The following HPD variants were observed in gnomAD, a reference collection of about 807,000 sequenced individuals.
HPD encodes 4-hydroxyphenylpyruvic acid oxidase.
HPD carries 35 observed loss-of-function variants against 56.9 expected under a neutral mutation model. That is an observed-to-expected ratio of 0.62 (90% CI 0.47 to 0.82). HPD has a LOEUF of 0.82. Among genes scored for constraint, HPD ranks in the 40% least tolerant of loss-of-function variants. The pLI is 0.00. For missense variants in HPD, 442 were observed against 506.8 expected (o/e 0.87, Z 1.23); for synonymous variants, 186 against 200.2 (o/e 0.93, Z 0.60).
intron 13 of HPD, 30 bp downstream of exon 13, chr12:121,839,902 C>T: frequency 6.2e-7 from 1 of 1,605,052 alleles, no homozygotes. Context: ...AGCTGCCTGT[C>T]CCCTCGGGCC....
chr12:121,844,502 C>A (rs1418383545), intron 11 of HPD, among the ~76,000 whole-genome samples: 1 of 151,932 alleles, frequency 6.6e-6, no homozygotes, highest in Non-Finnish European at 1.5e-5. Flanking sequence ...AAGCCCAGCA[C>A]TTTTGGAGGC....
chr12:121,862,987 TC>T (rs1481699908), upstream of HPD, among the ~76,000 whole-genome samples: 2 of 129,968 alleles, frequency 1.5e-5, no homozygotes, highest in East Asian at 4.8e-4. Context: ...GCACCCCCCC[TC>T]CTTTTTTTTT....
At chr12:121,844,742 G>A (rs1424566516) in intron 11 of HPD, among the ~76,000 whole-genome samples, 3 of 151,912 alleles carry the variant, frequency 2.0e-5, no homozygotes, top group Admixed American at 6.6e-5. Context: ...TTAGCTGGGC[G>A]TGGTGGTGGG....
At position 121,839,793 on chromosome 12, in the gene HPD, C is replaced by G; in HGVS notation, c.1117G>C (p.Glu373Gln). 1 of 1,614,242 alleles carries G rather than the reference C, an allele frequency of 6.2e-7. No individual in the cohort carries two copies. The highest frequency in any genetic ancestry group is 8.5e-7 in the Non-Finnish European group (1 of 1,180,040). ...AGGTTACCCCGCAGGTTCTGCTCCTCCTCGAAAGCCTTGAACAGTGAGTTG... is the reference window on the plus strand; with the variant it reads ...AGGTTACCCCGCAGGTTCTGCTCCTGCTCGAAAGCCTTGAACAGTGAGTTG... Reference protein sequence around the residue: ...NFNSLFKAFEEEQNLRGNLTN... With the variant: ...NFNSLFKAFEQEQNLRGNLTN... Residue 373 changes from glutamate (E) to glutamine (Q), a missense_variant, in exon 14 of 14, where the codon GAG becomes CAG. Glu to Gln is a conservative substitution (Grantham distance 29, BLOSUM62 2). Coordinates refer to ENST00000289004, the MANE Select transcript of HPD (RefSeq NM_002150.3).
chr12:121,860,692 A>C (rs547219169), upstream of HPD, among the ~76,000 whole-genome samples: 237 of 152,258 alleles, frequency 1.6e-3, 2 homozygotes, highest in South Asian at 7.7e-3. Flanking sequence ...CAAGAAGCTC[A>C]CTGATCAGAT....
rs1878100283 is a variant in HPD, at chr12:121,858,820, C to A, written c.3+1G>T. The A allele has an allele frequency of 6.2e-7, 1 of 1,614,162 alleles. No individual in the cohort carries two copies. On this transcript the variant is annotated splice_donor_variant, in intron 1 of 13. Coordinates refer to ENST00000289004, the MANE Select transcript of HPD (RefSeq NM_002150.3). LOFTEE classifies it high-confidence loss of function. The stretch of plus-strand genomic sequence containing the variant: ...CAAGGGGAGATGGCCATGGCACTTA[C>A]CATGATTGATCTTAGTCAAACCTCC...
Position 121,856,498 on chromosome 12 carries a change from C to T in HPD, c.241+85G>A. 2.5e-6 allele frequency: 4 copies of T among 1,595,384 alleles called. No individual in the cohort carries two copies. The South Asian group carries it at 4.4e-5, about 18-fold the overall frequency. ...CTCCATCCAGGCCCTGAACCCAGAG[C>T]CCACCCACGGAGCCATGCGTCCACC... On this transcript the variant is annotated intron_variant, in intron 5 of 13. Transcript: ENST00000289004.
At chr12:121,862,596 CTTTTTTTTTTTTTTTT>C (rs146807602), upstream of HPD, among the ~76,000 whole-genome samples, 5 of 43,068 alleles carry the variant, frequency 1.2e-4, no homozygotes, top group Admixed American at 3.4e-4. Context: ...CGCTCTCGGC[CTTTTTTTTTTTTTTTT>C]TTTTTTTTTT....
At chr12:121,865,556 A>G (rs1592927582), upstream of HPD, among the ~76,000 whole-genome samples, 4 of 149,944 alleles carry the variant, frequency 2.7e-5, no homozygotes, top group South Asian at 8.7e-4. Flanking sequence ...GGCATGAGCC[A>G]CTGTGCCCAG....
Position 121,846,089 on chromosome 12 carries a change from C to G in HPD, c.831+773G>C, listed in dbSNP as rs867396776. 2.6e-5 allele frequency among the ~76,000 whole-genome samples: 4 copies of G among 152,276 alleles called. No homozygotes were observed. In the South Asian group the frequency reaches 6.2e-4, roughly 24 times the overall value. On this transcript the variant is annotated intron_variant, in intron 11 of 13. Coordinates refer to ENST00000289004, the MANE Select transcript of HPD (RefSeq NM_002150.3). ...TAATTTTGTTTACTTTTTGCAGAGA[C>G]AGGGTCCCACTGTTTTCCAGGCTGA... is the stretch of plus-strand genomic sequence containing the variant.
At position 121,839,701 on chromosome 12, in the gene HPD, C is replaced by T. The variant is rs768643921; in HGVS notation, c.*27G>A. ...AGAATCAGGGGGCGTGGCTGTGTGG[C>T]TGTGGCCTCCGTGGGGTGGGCGGGG... is the stretch of plus-strand genomic sequence containing the variant. On this transcript the variant is annotated 3_prime_UTR_variant, in exon 14 of 14. Transcript: ENST00000289004. 1.1e-5 allele frequency: 16 copies of T among 1,502,696 alleles called. No individual in the cohort carries two copies. In the African/African-American group the frequency reaches 2.2e-4, roughly 21 times the overall value. 93.1% of individuals were successfully genotyped at this position (1,502,696 alleles called of 1,614,324 possible). A position where few individuals can be genotyped will look rare whatever the true frequency, so the allele number is the denominator to read the frequency against.
chr12:121,866,093 C>G (rs911058604), upstream of HPD, among the ~76,000 whole-genome samples: 2 of 151,896 alleles, frequency 1.3e-5, no homozygotes, highest in Admixed American at 6.6e-5. Flanking sequence ...GTCGGGAGAT[C>G]GAGACCATCC....
intron 7 of HPD, chr12:121,850,022 G>T (rs1009735158): frequency 5.7e-6 from 3 of 527,828 alleles, no homozygotes; most frequent in Non-Finnish European, 1.1e-5. Context: ...TGTACCCAGC[G>T]CCAAGCTCAG....
rs2137633285 is a variant in HPD at position 121,857,449 on chromosome 12, C to A, written c.94-17G>T. 1 of 1,573,326 alleles carries A rather than the reference C, an allele frequency of 6.4e-7. No homozygotes were observed. Among genetic ancestry groups the A allele is most frequent in the Non-Finnish European group, 8.7e-7 (1 of 1,142,862 alleles). On this transcript the variant is annotated splice_polypyrimidine_tract_variant and intron_variant, in intron 3 of 13. Coordinates refer to ENST00000289004, the MANE Select transcript of HPD (RefSeq NM_002150.3). Reference sequence around the variant, plus strand: ...TGACGTGGCCTGAATCACAGGGTTGCAGCAGGGTTCATGAGGGTCAAGGGG... The same window carrying A: ...TGACGTGGCCTGAATCACAGGGTTGAAGCAGGGTTCATGAGGGTCAAGGGG...
rs760220942 is a variant in HPD at position 121,847,110 on chromosome 12, T to C, written c.701A>G (p.Glu234Gly). The change falls in exon 10 of 14, where the codon GAG becomes GGG. Residue 234 changes from glutamate to glycine, a missense_variant. Transcript: ENST00000289004. ...CTCATTGATGGGCATCTTGATGGACTCTTCATAGTTGGCCACCACAATGGA... is the reference window on the plus strand; with the variant it reads ...CTCATTGATGGGCATCTTGATGGACCCTTCATAGTTGGCCACCACAATGGA... ...LRSIVVANYE[E>G]SIKMPINEPA... The C allele has an allele frequency of 6.2e-7, 1 of 1,614,198 alleles. No individual in the cohort carries two copies. Among genetic ancestry groups the C allele is most frequent in the South Asian group, 1.1e-5 (1 of 91,082 alleles).
rs1379275014 is a variant in HPD at position 121,857,823 on chromosome 12, C to A, written c.31-4G>T. ...GGAGGAATCGGCCTCTCTCAGGCTG[C>A]AGAAGGAGAGAAGAGGTGAGGTTGA... is the stretch of plus-strand genomic sequence containing the variant. On this transcript the variant is annotated splice_polypyrimidine_tract_variant and splice_region_variant and intron_variant, in intron 2 of 13. Transcript: ENST00000289004. The A allele has an allele frequency of 1.2e-6, 2 of 1,613,220 alleles. No individual in the cohort carries two copies. Among genetic ancestry groups the A allele is most frequent in the Non-Finnish European group, 1.7e-6 (2 of 1,179,356 alleles).
At chr12:121,863,423 G>A (rs1017005050), upstream of HPD, 1 of 152,226 alleles carries the variant, frequency 6.6e-6, no homozygotes. Context: ...CCCACCAAAT[G>A]TTTCACTGCA....
At chr12:121,873,412 C>T in the HPD span, among the ~76,000 whole-genome samples, 2 of 152,358 alleles carry the variant, frequency 1.3e-5, no homozygotes, top group East Asian at 1.9e-4. Flanking sequence ...ACCAGTGAGT[C>T]TGTCTCCAGG....
At position 121,846,851 on chromosome 12, in the gene HPD, G is replaced by T; in HGVS notation, c.831+11C>A. The T allele has an allele frequency of 5.0e-6, 8 of 1,613,614 alleles. No individual in the cohort carries two copies. Among genetic ancestry groups the T allele is most frequent in the Non-Finnish European group, 6.8e-6 (8 of 1,179,574 alleles). ...TGAGAGAGGAATTCGGACAGGGAAG[G>T]GGGTTCTAACCGCTGTGATGATGTC... is the stretch of plus-strand genomic sequence containing the variant. On this transcript the variant is annotated intron_variant, in intron 11 of 13. Coordinates refer to ENST00000289004, the MANE Select transcript of HPD (RefSeq NM_002150.3).
Sources: allele counts gnomAD v4.1 joint callset (sites outside exome capture counted in the v4.1 genomes callset), GRCh38; gene constraint gnomAD v4.1.1; transcripts MANE v1.5; gene names NCBI Gene and HGNC (gene_info 2026-07-23, HGNC 2026-07-21).